The following LSAMP variants were observed in gnomAD, a reference collection of about 807,000 sequenced individuals.
LSAMP encodes limbic system associated membrane protein, also known as limbic system-associated membrane protein.
A neutral mutation model predicts 38.6 loss-of-function variants in LSAMP; 7 were observed. The ratio of observed to expected loss-of-function variants is 0.18; its 90% CI spans 0.10 to 0.34. LSAMP has a LOEUF of 0.34. Ranked by LOEUF, LSAMP falls within the 10% of genes least tolerant of loss-of-function variation. LSAMP has a pLI of 1.00. For missense variants in LSAMP, 313 were observed against 420.0 expected (o/e 0.75, Z 2.23); for synonymous variants, 154 against 166.8 (o/e 0.92, Z 0.59).
chr3:116,389,331 C>G (rs2048664660), intron 1 of LSAMP, among the ~76,000 whole-genome samples: 1 of 152,076 alleles, frequency 6.6e-6, no homozygotes, highest in African/African-American at 2.4e-5. Context: ...ATGGGAGAGT[C>G]GTGTTAAGAA....
intron 1 of LSAMP, among the ~76,000 whole-genome samples, chr3:116,316,902 T>C (rs751599020): frequency 4.6e-5 from 7 of 151,094 alleles, no homozygotes; most frequent in Non-Finnish European, 8.8e-5. Context: ...TGAAAAGAGG[T>C]CACTCAATTT....
intron 1 of LSAMP, among the ~76,000 whole-genome samples, chr3:116,275,123 G>C (rs1433285481): frequency 6.6e-6 from 1 of 152,068 alleles, no homozygotes; most frequent in Non-Finnish European, 1.5e-5. Context: ...CATCATCATA[G>C]CTTACTGCAA....
intron 1 of LSAMP, among the ~76,000 whole-genome samples, chr3:116,152,154 C>G (rs560955940): frequency 1.2e-4 from 18 of 152,154 alleles, no homozygotes; most frequent in African/African-American, 4.1e-4. Context: ...TAGTTTTAGG[C>G]TTTAAACGTT....
chr3:115,878,537 C>T (rs757221841), intron 3 of LSAMP, among the ~76,000 whole-genome samples: 4 of 138,672 alleles, frequency 2.9e-5, no homozygotes, highest in African/African-American at 5.4e-5. Flanking sequence ...TCTCAGCTCA[C>T]GGCAACCTCC....
chr3:116,429,484 G>T (rs550285580), intron 1 of LSAMP, among the ~76,000 whole-genome samples: 6 of 152,176 alleles, frequency 3.9e-5, no homozygotes, highest in South Asian at 2.1e-4. Context: ...AAATTATTTT[G>T]CTTCATTATT....
Position 115,852,080 on chromosome 3 carries a change from C to G in LSAMP, c.649+403G>C, listed in dbSNP as rs112063633. 3.2e-4 allele frequency among the ~76,000 whole-genome samples: 48 copies of G among 152,290 alleles called. 2 individuals are homozygous for G. The highest frequency in any genetic ancestry group is 1.2e-3 in the African/African-American group (48 of 41,556). ...TAAATAGCAGAGGATAAAATATAAT[C>G]TTGAGGCATTCCCTCCTGACAAACA... On this transcript the variant is annotated intron_variant, in intron 4 of 6. Transcript: ENST00000490035.
chr3:116,113,418 A>ATTT (rs1409685565), intron 1 of LSAMP, among the ~76,000 whole-genome samples: 109 of 55,468 alleles, frequency 2.0e-3, no homozygotes, highest in East Asian at 5.4e-3. Flanking sequence ...ATATATATAT[A>ATTT]TATTTTTTTT....
At chr3:116,274,954 C>CAA (rs10662824) in intron 1 of LSAMP, among the ~76,000 whole-genome samples, 50,056 of 135,986 alleles carry the variant, frequency 0.37, 9,600 homozygotes, top group East Asian at 0.6. Flanking sequence ...TAAAAATAGC[C>CAA]AAAAAAAAAA....
intron 1 of LSAMP, among the ~76,000 whole-genome samples, chr3:116,416,771 C>A (rs376927691): frequency 6.7e-4 from 102 of 152,074 alleles, no homozygotes; most frequent in African/African-American, 2.3e-3. Context: ...GAGTTAAAGG[C>A]ACGTGCAGCA....
intron 3 of LSAMP, among the ~76,000 whole-genome samples, chr3:115,873,298 AT>A (rs946889316): frequency 6.6e-6 from 1 of 151,662 alleles, no homozygotes; most frequent in African/African-American, 2.4e-5. Context: ...CAGGGGAGTC[AT>A]TTGAACCTGG....
intron 1 of LSAMP, among the ~76,000 whole-genome samples, chr3:116,260,387 A>T (rs918475722): frequency 2.6e-5 from 4 of 152,014 alleles, no homozygotes; most frequent in African/African-American, 9.7e-5. Flanking sequence ...ACATTTTTTA[A>T]AATTTTCGAA....
chr3:116,202,782 C>T (rs1394041424), intron 1 of LSAMP, among the ~76,000 whole-genome samples: 6 of 152,078 alleles, frequency 3.9e-5, no homozygotes, highest in Non-Finnish European at 8.8e-5. Context: ...ACTCCTACTC[C>T]GGGAAGCCTT....
chr3:115,843,770 G>A (rs1254018211), intron 4 of LSAMP, among the ~76,000 whole-genome samples: 3 of 151,942 alleles, frequency 2.0e-5, no homozygotes, highest in Non-Finnish European at 4.4e-5. Context: ...AAGAATGTAC[G>A]AGAAAGCATC....
intron 1 of LSAMP, among the ~76,000 whole-genome samples, chr3:116,338,927 T>C (rs1034238824): frequency 6.6e-6 from 1 of 152,058 alleles, no homozygotes; most frequent in Non-Finnish European, 1.5e-5. Context: ...AGAGTGATTA[T>C]CAACCAACAG....
At chr3:116,094,088 A>G (rs1188700655) in intron 1 of LSAMP, among the ~76,000 whole-genome samples, 1 of 152,218 alleles carries the variant, frequency 6.6e-6, no homozygotes, top group Admixed American at 6.5e-5. Context: ...TCCAACAACT[A>G]TGCAAACACA....
rs1413855469 is a variant in LSAMP at position 116,208,677 on chromosome 3, G to T, written c.156-122121C>A. On this transcript the variant is annotated intron_variant, in intron 1 of 6. Coordinates refer to ENST00000490035, the MANE Select transcript of LSAMP (RefSeq NM_002338.5). ...ACCCTGCCGTGTGAGGTGTCAGTGT[G>T]CCCCTGCTGGGGGGTGCCTCCCAGT... 2.0e-5 allele frequency among the ~76,000 whole-genome samples: 3 copies of T among 152,290 alleles called. 1 individual carries two copies. The highest frequency in any genetic ancestry group is 7.2e-5 in the African/African-American group (3 of 41,570).
chr3:116,000,649 G>A (rs774417305), intron 3 of LSAMP, among the ~76,000 whole-genome samples: 6 of 152,172 alleles, frequency 3.9e-5, no homozygotes, highest in Admixed American at 6.5e-5. Flanking sequence ...ACATGGAGAA[G>A]GGGAGTGAGG....
At chr3:115,990,228 G>A (rs1478776994) in intron 3 of LSAMP, among the ~76,000 whole-genome samples, 2 of 151,858 alleles carry the variant, frequency 1.3e-5, no homozygotes, top group East Asian at 3.9e-4. Flanking sequence ...TCATAATTAC[G>A]CATCTTTAGG....
intron 1 of LSAMP, among the ~76,000 whole-genome samples, chr3:116,384,981 C>G (rs551549060): frequency 1.3e-5 from 2 of 152,038 alleles, no homozygotes; most frequent in South Asian, 2.1e-4. Context: ...GGGCACTAAG[C>G]AGTCACTGAG....
Sources: allele counts gnomAD v4.1 joint callset (sites outside exome capture counted in the v4.1 genomes callset), GRCh38; gene constraint gnomAD v4.1.1; transcripts MANE v1.5; gene names NCBI Gene and HGNC (gene_info 2026-07-23, HGNC 2026-07-21).